Variants in XYLB observed in about 807,000 individuals in gnomAD.
XYLB encodes the protein xylulokinase, also known as xylulose kinase.
Under a neutral mutation model 78.7 loss-of-function variants are expected in XYLB, and 62 were observed. That is an observed-to-expected ratio of 0.79 (90% confidence interval 0.64 to 0.97). XYLB has a LOEUF of 0.97. Among genes scored for constraint, XYLB ranks in the 50% least tolerant of loss-of-function variants. The probability of loss-of-function intolerance (pLI) is 0.00; values close to 1 mark genes in which losing one functional copy is unlikely to be tolerated. For synonymous variants in XYLB, 245 were observed against 247.4 expected (o/e 0.99, Z 0.09); for missense variants, 687 against 676.8 (o/e 1.02, Z -0.17).
At chr3:38,420,858 A>T (rs1280979373), downstream of XYLB, among the ~76,000 whole-genome samples, 1 of 152,208 alleles carries the variant, frequency 6.6e-6, no homozygotes, top group Admixed American at 6.5e-5. Flanking sequence ...GATGGCTGTC[A>T]TGCACACTGC....
At chr3:38,401,434 T>C (rs1708120869) in intron 18 of XYLB, among the ~76,000 whole-genome samples, 1 of 152,148 alleles carries the variant, frequency 6.6e-6, no homozygotes, top group African/African-American at 2.4e-5. Context: ...GAGTCTGAGA[T>C]GTCAACTAAG....
chr3:38,408,104 C>T (rs1345900097), intron 18 of XYLB, among the ~76,000 whole-genome samples: 1 of 147,524 alleles, frequency 6.8e-6, no homozygotes, highest in South Asian at 2.1e-4. Context: ...CCACACCACA[C>T]CTATTCCAAA....
In XYLB at chr3:38,375,324, C is replaced by T. The variant is rs905863661; in HGVS notation, c.1004+65C>T. ...GAGGTGTGGGCAGGTCTGGCACCATCTTGAGGACCCCAAGTCATTCCACTA... is the reference window on the plus strand; with the variant it reads ...GAGGTGTGGGCAGGTCTGGCACCATTTTGAGGACCCCAAGTCATTCCACTA... On this transcript the variant is annotated intron_variant, in intron 12 of 18. Transcript: ENST00000207870. The T allele has an allele frequency of 3.6e-6, 5 of 1,380,542 alleles. No homozygotes were observed. In the Admixed American group the frequency reaches 5.3e-5, roughly 15 times the overall value. 85.5% of individuals were successfully genotyped at this position (1,380,542 alleles called of 1,614,324 possible).
chr3:38,410,506 A>G (rs1708529898), intron 18 of XYLB, among the ~76,000 whole-genome samples: 1 of 152,166 alleles, frequency 6.6e-6, no homozygotes, highest in Non-Finnish European at 1.5e-5. Flanking sequence ...ACCAAAAGCA[A>G]TGGCAACAGA....
downstream of XYLB, among the ~76,000 whole-genome samples, chr3:38,425,244 T>C (rs1709077248): frequency 6.6e-6 from 1 of 152,230 alleles, no homozygotes; most frequent in Admixed American, 6.5e-5. Context: ...TCTTCTGCAA[T>C]GCTTCACAGT....
the XYLB span, chr3:38,451,170 G>A: frequency 6.6e-6 from 1 of 152,224 alleles, no homozygotes; most frequent in Non-Finnish European, 1.5e-5. Flanking sequence ...AGGAACATGG[G>A]AGGGGCAAGG....
Position 38,395,621 on chromosome 3 carries a change from A to G in XYLB, c.1350+58A>G, listed in dbSNP as rs1575521457. 5.7e-6 allele frequency: 9 copies of G among 1,566,178 alleles called. No individual in the cohort carries two copies. In the East Asian group the frequency reaches 2.0e-4, roughly 35 times the overall value. On this transcript the variant is annotated intron_variant, in intron 16 of 18. Transcript: ENST00000207870. ...CTCTCCCATATCTGTTATGTCTAAG[A>G]GCCAGAGACTGGATAGGAAGGACAG...
At chr3:38,405,979 G>A (rs1708303741) in intron 18 of XYLB, among the ~76,000 whole-genome samples, 1 of 152,260 alleles carries the variant, frequency 6.6e-6, no homozygotes, top group African/African-American at 2.4e-5. Context: ...CAAAAAGACA[G>A]CAGTAACCTC....
chr3:38,362,846 T>G, intron 3 of XYLB, 91 bp from the exon 4 acceptor site: 1 of 1,108,792 alleles, frequency 9.0e-7, no homozygotes, highest in Admixed American at 2.9e-5. Flanking sequence ...TACTCTGCTG[T>G]AATGGCAGGC....
chr3:38,418,214 GAT>G (rs1261040938), downstream of XYLB, among the ~76,000 whole-genome samples: 8 of 136,700 alleles, frequency 5.9e-5, no homozygotes, highest in Non-Finnish European at 1.1e-4. Context: ...AAAAAAAAAA[GAT>G]ATATATATAT....
At chr3:38,450,369 A>G in the XYLB span, among the ~76,000 whole-genome samples, 1 of 152,268 alleles carries the variant, frequency 6.6e-6, no homozygotes, top group East Asian at 1.9e-4. Context: ...TTACAATGCT[A>G]TAGTTTTCCA....
the XYLB span, among the ~76,000 whole-genome samples, chr3:38,436,963 C>T: frequency 3.3e-5 from 5 of 150,460 alleles, no homozygotes; most frequent in African/African-American, 1.2e-4. Context: ...GAGATCACAC[C>T]ACTGCACTCC....
rs369993876 is a variant in XYLB, at chr3:38,384,324, C to T, written c.1291+4982C>T. On this transcript the variant is annotated intron_variant, in intron 15 of 18. Transcript: ENST00000207870. ...CAAATGATCCACCTGCCTCGGCCTCCCAAAGTGCTGGGATTGCAAGTGTGA... is the reference window on the plus strand; with the variant it reads ...CAAATGATCCACCTGCCTCGGCCTCTCAAAGTGCTGGGATTGCAAGTGTGA... Among the ~76,000 whole-genome samples the T allele has an allele frequency of 3.3e-5, 5 of 152,216 alleles. No homozygotes were observed. The East Asian group carries it at 5.8e-4, about 18-fold the overall frequency.
intron 2 of XYLB, among the ~76,000 whole-genome samples, chr3:38,353,140 A>G (rs1705458271): frequency 6.6e-6 from 1 of 151,960 alleles, no homozygotes; most frequent in East Asian, 1.9e-4. Context: ...CCTCACTCCA[A>G]AATTATGAAG....
At chr3:38,358,076 G>T (rs531432881) in intron 2 of XYLB, among the ~76,000 whole-genome samples, 1 of 150,420 alleles carries the variant, frequency 6.6e-6, no homozygotes, top group South Asian at 2.1e-4. Flanking sequence ...TTTGCTATTT[G>T]TGCTTTGGTG....
chr3:38,393,217 C>A (rs1707743103), intron 15 of XYLB, among the ~76,000 whole-genome samples: 1 of 152,076 alleles, frequency 6.6e-6, no homozygotes, highest in Non-Finnish European at 1.5e-5. Context: ...GCGGCGCGAT[C>A]TCAGCTCACT....
At chr3:38,444,562 C>T in the XYLB span, among the ~76,000 whole-genome samples, 1 of 152,132 alleles carries the variant, frequency 6.6e-6, no homozygotes, top group Admixed American at 6.5e-5. Flanking sequence ...AAAGGTCAAG[C>T]TGCAGGATAG....
chr3:38,439,019 A>G, the XYLB span, among the ~76,000 whole-genome samples: 1 of 152,194 alleles, frequency 6.6e-6, no homozygotes, highest in African/African-American at 2.4e-5. Flanking sequence ...CAGAGTGCTG[A>G]TTGGTACATT....
At chr3:38,364,246 G>T (rs1381172092) in intron 4 of XYLB, among the ~76,000 whole-genome samples, 2 of 151,620 alleles carry the variant, frequency 1.3e-5, no homozygotes, top group Admixed American at 6.6e-5. Context: ...CACATCCAAG[G>T]GTCCTCACGT....
Sources: allele counts gnomAD v4.1 joint callset (sites outside exome capture counted in the v4.1 genomes callset), GRCh38; gene constraint gnomAD v4.1.1; transcripts MANE v1.5; gene names NCBI Gene and HGNC (gene_info 2026-07-23, HGNC 2026-07-21).